Variants in MACF1 observed in about 807,000 individuals in gnomAD.
MACF1 encodes the protein microtubule actin crosslinking factor 1, also known as microtubule-actin cross-linking factor 1.
MACF1 carries 193 observed loss-of-function variants against 854.8 expected under a neutral mutation model. The observed-to-expected ratio is 0.23, with a 90% confidence interval of 0.20 to 0.25. The LOEUF (loss-of-function observed/expected upper bound fraction) is 0.25. MACF1 is among the 10% of genes least tolerant of loss of function. MACF1 has a pLI of 1.00. For synonymous variants in MACF1, 3,185 were observed against 3,226.7 expected (o/e 0.99, Z 0.44); for missense variants, 7,722 against 8,929.1 (o/e 0.86, Z 5.45).
In MACF1 at chr1:39,114,869, G is replaced by A. The variant is rs185463118; in HGVS notation, c.220+30431G>A. ...TGTCCAGGAAGGCATCCAAGAGTAA[G>A]TGAAACCTGAACTGTTACCTAAAGG... is the stretch of plus-strand genomic sequence containing the variant. On this transcript the variant is annotated intron_variant, in intron 2 of 93. Transcript: ENST00000361689. 1.6e-4 allele frequency among the ~76,000 whole-genome samples: 24 copies of A among 152,300 alleles called. No individual in the cohort carries two copies. The East Asian group carries it at 4.6e-3, about 29-fold the overall frequency.
At chr1:39,273,184 T>G (rs970866524) in intron 6 of MACF1, among the ~76,000 whole-genome samples, 9 of 148,696 alleles carry the variant, frequency 6.1e-5, no homozygotes, top group Non-Finnish European at 1.3e-4. Flanking sequence ...TCACCGAGGC[T>G]GCAGTGCAGT....
intron 58 of MACF1, chr1:39,412,044 T>C: frequency 6.2e-7 from 1 of 1,613,962 alleles, no homozygotes; most frequent in Non-Finnish European, 8.5e-7. Context: ...CTGATCTGGA[T>C]TCACTGGAAA....
chr1:39,200,308 T>A (rs1023357141), upstream of MACF1, among the ~76,000 whole-genome samples: 1 of 152,230 alleles, frequency 6.6e-6, no homozygotes, highest in Non-Finnish European at 1.5e-5. Context: ...TGCTCTTCCC[T>A]AGATAATGTT....
At chr1:39,195,171 T>C (rs1458304940) in intron 2 of MACF1, among the ~76,000 whole-genome samples, 1 of 152,180 alleles carries the variant, frequency 6.6e-6, no homozygotes, top group African/African-American at 2.4e-5. Flanking sequence ...TAGGCCTCTC[T>C]AGAAGAGCAT....
chr1:39,127,659 T>C (rs1006196979), intron 2 of MACF1, among the ~76,000 whole-genome samples: 4 of 152,188 alleles, frequency 2.6e-5, no homozygotes, highest in Non-Finnish European at 4.4e-5. Flanking sequence ...TTGAGTCTCC[T>C]TTTCTCTAAA....
chr1:39,401,423 T>TTAATATTAATTTTA (rs1432445262), intron 58 of MACF1, among the ~76,000 whole-genome samples: 6 of 152,210 alleles, frequency 3.9e-5, no homozygotes, highest in Admixed American at 6.5e-5. Context: ...GAAAGACATC[T>TTAATATTAATTTTA]CTTAATATTA....
intron 21 of MACF1, among the ~76,000 whole-genome samples, chr1:39,299,008 C>T (rs1192857961): frequency 6.6e-6 from 1 of 151,996 alleles, no homozygotes; most frequent in Non-Finnish European, 1.5e-5. Flanking sequence ...CCGTCAGGTT[C>T]GGGAGCATCT....
intron 52 of MACF1, among the ~76,000 whole-genome samples, chr1:39,376,896 T>A (rs905307466): frequency 9.2e-5 from 14 of 151,822 alleles, no homozygotes; most frequent in Non-Finnish European, 1.3e-4. Flanking sequence ...TTTTTTTTTT[T>A]AATATTTTTT....
At chr1:39,390,390 A>C (rs1354484035) in intron 58 of MACF1, among the ~76,000 whole-genome samples, 1 of 152,236 alleles carries the variant, frequency 6.6e-6, no homozygotes, top group Non-Finnish European at 1.5e-5. Context: ...AAGTGCAAAA[A>C]TGTGGCTGTT....
intron 2 of MACF1, among the ~76,000 whole-genome samples, chr1:39,152,802 A>G (rs991084243): frequency 6.6e-6 from 1 of 152,160 alleles, no homozygotes; most frequent in Non-Finnish European, 1.5e-5. Context: ...TCTACTCAAA[A>G]GCAACAAAAG....
rs781758621 is a variant in MACF1 at position 39,479,983 on chromosome 1, C to T, written c.22144C>T (p.Pro7382Ser). The change falls in exon 98 of 101, where the codon CCA becomes TCA. Residue 7382 changes from proline (P) to serine (S), a missense_variant. Physicochemically the swap from Pro to Ser is moderately conservative, Grantham distance 74 (BLOSUM62 -1). Around this residue, in one of 15 missense-constraint regions of MACF1, gnomAD observed 153 missense variants for 342.5 expected, o/e 0.45. Transcript: ENST00000564288. ...CAGCTGTACATCCATGCCATCTTCTCCAGCCACCCCAGCCAGTGGAACCAA... is the reference window on the plus strand; with the variant it reads ...CAGCTGTACATCCATGCCATCTTCTTCAGCCACCCCAGCCAGTGGAACCAA... The part of the protein sequence containing the change: ...NHSCTSMPSS[P>S]ATPASGTKTS... 1 of 1,580,380 alleles carries T rather than the reference C, an allele frequency of 6.3e-7. No individual in the cohort carries two copies. Among genetic ancestry groups the T allele is most frequent in the Non-Finnish European group, 8.6e-7 (1 of 1,158,170 alleles).
At chr1:39,447,221 A>G (rs1451053811) in intron 80 of MACF1, among the ~76,000 whole-genome samples, 1 of 152,218 alleles carries the variant, frequency 6.6e-6, no homozygotes, top group Non-Finnish European at 1.5e-5. Flanking sequence ...TTCCTTTTCC[A>G]TGTACACAGT....
chr1:39,162,772 C>G (rs1008166418), intron 2 of MACF1, among the ~76,000 whole-genome samples: 1 of 152,092 alleles, frequency 6.6e-6, no homozygotes, highest in African/African-American at 2.4e-5. Flanking sequence ...ACATCTGATG[C>G]AGACTAGGAG....
At chr1:39,212,827 G>T (rs1472151920) in intron 1 of MACF1, among the ~76,000 whole-genome samples, 1 of 152,218 alleles carries the variant, frequency 6.6e-6, no homozygotes, top group Non-Finnish European at 1.5e-5. Flanking sequence ...GTTTCGCCAT[G>T]TTGGCCAGGG....
At chr1:39,360,572 C>T (rs1361703638) in intron 47 of MACF1, among the ~76,000 whole-genome samples, 1 of 151,544 alleles carries the variant, frequency 6.6e-6, no homozygotes, top group Non-Finnish European at 1.5e-5. Context: ...CATGGTGGCT[C>T]ATGCCTGTAA....
intron 2 of MACF1, among the ~76,000 whole-genome samples, chr1:39,095,663 T>G (rs1490077158): frequency 2.0e-5 from 3 of 151,140 alleles, no homozygotes; most frequent in African/African-American, 7.3e-5. Flanking sequence ...GGTGGATCAC[T>G]TGACACCAGA....
intron 2 of MACF1, among the ~76,000 whole-genome samples, chr1:39,114,970 C>G (rs1389991541): frequency 1.3e-5 from 2 of 151,918 alleles, no homozygotes; most frequent in Non-Finnish European, 2.9e-5. Context: ...GATGAGCAAG[C>G]TTGAGAGGGG....
chr1:39,244,988 C>T (rs189383383), intron 2 of MACF1, among the ~76,000 whole-genome samples: 1 of 152,172 alleles, frequency 6.6e-6, no homozygotes, highest in Non-Finnish European at 1.5e-5. Flanking sequence ...GATGGGATTA[C>T]AGGCATGAGC....
At chr1:39,480,657 A>T (rs979937616) in intron 98 of MACF1, among the ~76,000 whole-genome samples, 1 of 151,436 alleles carries the variant, frequency 6.6e-6, no homozygotes, top group Non-Finnish European at 1.5e-5. Context: ...AAAAAAAAAA[A>T]ATAAGGAAAA....
Sources: allele counts gnomAD v4.1 joint callset (sites outside exome capture counted in the v4.1 genomes callset), GRCh38; gene constraint gnomAD v4.1.1; regional missense constraint gnomAD v4.1.1; transcripts MANE v1.5; gene names NCBI Gene and HGNC (gene_info 2026-07-23, HGNC 2026-07-21).